TFAP2D: variants seen among roughly 807,000 people sequenced by gnomAD.
TFAP2D encodes transcription factor AP-2-delta.
Under a neutral mutation model 43.6 loss-of-function variants are expected in TFAP2D, and 9 were observed. The ratio of observed to expected loss-of-function variants is 0.21; its 90% CI spans 0.12 to 0.36. The LOEUF is 0.36. Among genes scored for constraint, TFAP2D ranks in the 10% least tolerant of loss-of-function variants. The pLI, the probability that TFAP2D is intolerant of heterozygous loss-of-function variation, is 1.00. For missense variants in TFAP2D, 513 were observed against 561.4 expected (o/e 0.91, Z 0.87); for synonymous variants, 256 against 224.9 (o/e 1.14, Z -1.24).
At chr6:50,751,405 C>G in intron 7 of TFAP2D, 81 bp downstream of exon 7, 1 of 953,972 alleles carries the variant, frequency 1.0e-6, no homozygotes, top group Admixed American at 1.8e-5. Flanking sequence ...TTTAGAGATA[C>G]CACTTATATG....
In TFAP2D at chr6:50,755,453, A is replaced by G. The variant is rs1429415550; in HGVS notation, c.1139+4129A>G. On this transcript the variant is annotated intron_variant, in intron 7 of 7. Transcript: ENST00000008391. The stretch of plus-strand genomic sequence containing the variant: ...GTAAAAAAAAAAAAAAAACTCAAGG[A>G]TTGGAGGACATATTTAATATTTAAA... Among the ~76,000 whole-genome samples the G allele has an allele frequency of 2.9e-4, 44 of 150,230 alleles. 1 individual carries two copies. Among genetic ancestry groups the G allele is most frequent in the Admixed American group, 2.8e-3 (42 of 14,988 alleles).
chr6:50,765,582 G>T (rs1769429912), intron 7 of TFAP2D, among the ~76,000 whole-genome samples: 1 of 152,146 alleles, frequency 6.6e-6, no homozygotes. Flanking sequence ...ATATCTCATT[G>T]TAGTTTTAAT....
chr6:50,773,032 CA>C (rs112416558), exon 8 of TFAP2D: 2,649 of 464,496 alleles, frequency 5.7e-3, no homozygotes, highest in South Asian at 0.011. Context: ...AGGACAAAAC[CA>C]AAAAAAAAAG....
intron 3 of TFAP2D, among the ~76,000 whole-genome samples, chr6:50,719,881 C>A (rs1345866441): frequency 6.6e-6 from 1 of 152,128 alleles, no homozygotes; most frequent in African/African-American, 2.4e-5. Context: ...AGAGCTGTTG[C>A]TTTCAGCTCG....
At chr6:50,758,347 A>C (rs1272425994) in intron 7 of TFAP2D, among the ~76,000 whole-genome samples, 1 of 151,888 alleles carries the variant, frequency 6.6e-6, no homozygotes, top group African/African-American at 2.4e-5. Context: ...CAAGCTTGGA[A>C]ACTCTCAATA....
At chr6:50,739,236 G>A (rs559052515) in intron 5 of TFAP2D, among the ~76,000 whole-genome samples, 61 of 151,494 alleles carry the variant, frequency 4.0e-4, no homozygotes, top group African/African-American at 1.5e-3. Context: ...CCCACCCCAC[G>A]ACAGGCCCCA....
rs1051771388 is a variant in TFAP2D at position 50,771,210 on chromosome 6, T to C, written c.1140-1435T>C. 2.0e-5 allele frequency among the ~76,000 whole-genome samples: 3 copies of C among 152,318 alleles called. No individual in the cohort carries two copies. In the South Asian group the frequency reaches 6.2e-4, roughly 32 times the overall value. On this transcript the variant is annotated intron_variant, in intron 7 of 7. Coordinates refer to ENST00000008391, the MANE Select transcript of TFAP2D (RefSeq NM_172238.4). ...GTTGGGTGGCTTACATAAGACAGGG[T>C]TTTATTTCTCTCTCATTTAGGAGTC...
intron 7 of TFAP2D, among the ~76,000 whole-genome samples, chr6:50,760,973 G>C (rs1404328813): frequency 6.6e-6 from 1 of 150,978 alleles, no homozygotes; most frequent in African/African-American, 2.4e-5. Context: ...TAACACTGTA[G>C]TGAGATTATA....
At chr6:50,748,793 A>T (rs1222584274) in intron 6 of TFAP2D, among the ~76,000 whole-genome samples, 1 of 151,924 alleles carries the variant, frequency 6.6e-6, no homozygotes, top group African/African-American at 2.4e-5. Context: ...AGAATAGTTA[A>T]CAACTTTTAG....
At chr6:50,751,764 G>A (rs1485420458) in intron 7 of TFAP2D, among the ~76,000 whole-genome samples, 1 of 151,878 alleles carries the variant, frequency 6.6e-6, no homozygotes, top group Non-Finnish European at 1.5e-5. Context: ...AATTTGGAGT[G>A]GGGTGGAGGG....
At chr6:50,767,179 G>C (rs1191410379) in intron 7 of TFAP2D, among the ~76,000 whole-genome samples, 3 of 152,038 alleles carry the variant, frequency 2.0e-5, no homozygotes, top group African/African-American at 7.3e-5. Context: ...TCTTTCTGTT[G>C]CCTAATAGTT....
intron 5 of TFAP2D, among the ~76,000 whole-genome samples, chr6:50,738,834 A>G (rs1337197344): frequency 3.3e-5 from 5 of 152,196 alleles, no homozygotes; most frequent in Admixed American, 2.0e-4. Flanking sequence ...TCATCATGCA[A>G]GAATCCAGCC....
At chr6:50,723,157 A>G (rs887086813) in intron 3 of TFAP2D, among the ~76,000 whole-genome samples, 1 of 152,260 alleles carries the variant, frequency 6.6e-6, no homozygotes, top group African/African-American at 2.4e-5. Context: ...GCCGCGGTAC[A>G]AACATTGTCA....
chr6:50,737,102 T>C (rs1385213755), intron 5 of TFAP2D, among the ~76,000 whole-genome samples: 1 of 152,102 alleles, frequency 6.6e-6, no homozygotes, highest in Non-Finnish European at 1.5e-5. Context: ...TGCCTCAGCC[T>C]CCTGAGTAGC....
chr6:50,719,827 T>C (rs1368092359), intron 3 of TFAP2D, among the ~76,000 whole-genome samples: 1 of 152,144 alleles, frequency 6.6e-6, no homozygotes, highest in African/African-American at 2.4e-5. Context: ...GAATCCAGAG[T>C]TACCCATGGA....
chr6:50,714,192 C>T, intron 1 of TFAP2D, 98 bp downstream of exon 1: 2 of 1,253,958 alleles, frequency 1.6e-6, no homozygotes, highest in Admixed American at 2.1e-5. Context: ...CCTCCCCTGT[C>T]TCTAATCTAT....
chr6:50,751,227 T>A lies in TFAP2D; in HGVS notation c.1042T>A (p.Phe348Ile). The change falls in exon 7 of 8, where the codon TTC becomes ATC. Residue 348 changes from phenylalanine (F) to isoleucine (I), a missense_variant. This residue lies in a region of TFAP2D where 199 missense variants were observed against 227.9 expected (regional missense o/e 0.87). Transcript: ENST00000008391. ...TTATTTTAGACAAATCTGTAAAGAA[T>A]TCCAAGACCTCTTGAGCCAAGATAG... ...ILATKQICKE[F>I]QDLLSQDRSP... 2 of 1,609,752 alleles carry A rather than the reference T, an allele frequency of 1.2e-6. No individual in the cohort carries two copies. Among genetic ancestry groups the A allele is most frequent in the Non-Finnish European group, 1.7e-6 (2 of 1,176,992 alleles).
chr6:50,715,515 C>T lies in TFAP2D; in HGVS notation c.439C>T (p.Leu147Phe), dbSNP rs776321877. 5 of 1,613,178 alleles carry T rather than the reference C, an allele frequency of 3.1e-6. No homozygotes were observed. The highest frequency in any genetic ancestry group is 1.3e-5 in the African/African-American group (1 of 75,028). The change falls in exon 2 of 8, where the codon CTC becomes TTC. Residue 147 changes from leucine to phenylalanine, a missense_variant. Physicochemically the swap from Leu to Phe is conservative, Grantham distance 22. Around this residue, in one of 3 missense-constraint regions of TFAP2D, gnomAD observed 311 missense variants for 316.2 expected, o/e 0.98. Coordinates refer to ENST00000008391, the MANE Select transcript of TFAP2D (RefSeq NM_172238.4). The stretch of plus-strand genomic sequence containing the variant: ...TGCCTACCGCCGCCATGACCTGTCC[C>T]TCATGAGCCATGGCTCTCAGTATGG... ...LDAYRRHDLS[L>F]MSHGSQYGMH...
intron 1 of TFAP2D, among the ~76,000 whole-genome samples, chr6:50,714,681 T>C (rs1768584706): frequency 6.6e-6 from 1 of 151,822 alleles, no homozygotes; most frequent in Non-Finnish European, 1.5e-5. Flanking sequence ...CTAGTTAGAG[T>C]GGCAAGGCGC....
Sources: allele counts gnomAD v4.1 joint callset (sites outside exome capture counted in the v4.1 genomes callset), GRCh38; gene constraint gnomAD v4.1.1; regional missense constraint gnomAD v4.1.1; transcripts MANE v1.5; gene names NCBI Gene and HGNC (gene_info 2026-07-23, HGNC 2026-07-21).